The following LAMB1 variants were observed in gnomAD, a reference collection of about 807,000 sequenced individuals.
The protein encoded by LAMB1 is laminin subunit beta 1, also known as laminin subunit beta-1.
Under a neutral mutation model 222.3 loss-of-function variants are expected in LAMB1, and 121 were observed. That is an observed-to-expected ratio of 0.54 (90% CI 0.47 to 0.63). The LOEUF is 0.63. Ranked by LOEUF, LAMB1 falls within the 30% of genes least tolerant of loss-of-function variation. The pLI is 0.00. For missense variants in LAMB1, 2,172 were observed against 2,240.8 expected (o/e 0.97, Z 0.62); for synonymous variants, 794 against 807.2 (o/e 0.98, Z 0.28).
chr7:107,951,967 C>T (rs1384308731), intron 23 of LAMB1, 42 bp downstream of exon 23: 1 of 1,539,990 alleles, frequency 6.5e-7, no homozygotes, highest in South Asian at 1.2e-5. Flanking sequence ...TGGGCTGACA[C>T]CTGAGCTCAT....
Position 107,931,480 on chromosome 7 carries a change from C to T in LAMB1, c.4413G>A (p.Arg1471=), listed in dbSNP as rs1294061309. The T allele has an allele frequency of 6.2e-7, 1 of 1,613,462 alleles. No individual in the cohort carries two copies. ...CAGCACTTTGTTTTGCCTCATCTGC[C>T]CTCAGTTTTGCTTCAGAGACCTAAA... ...LSKMVSEAKL[R]ADEAKQSAED... Residue 1471 remains arginine, a synonymous_variant, in exon 29 of 34, where the codon AGG becomes AGA. Transcript: ENST00000222399.
Position 107,959,384 on chromosome 7 carries a change from T to C in LAMB1, c.2555A>G (p.Asp852Gly). Reference protein sequence around the residue: ...CFQGVYARQCDRCLPGHWGFP... With the variant: ...CFQGVYARQCGRCLPGHWGFP... ...GCCCCAGTGCCCAGGTAAGCACCGA[T>C]CACACTGCCGAGCATACACTCCCTG... is the stretch of plus-strand genomic sequence containing the variant. Residue 852 changes from aspartate (D) to glycine (G), a missense_variant, in exon 20 of 34, where the codon GAT (aspartate) becomes GGT (glycine). Physicochemically the swap from Asp to Gly is moderately conservative, Grantham distance 94. Transcript: ENST00000222399. 1 of 1,614,218 alleles carries C rather than the reference T, an allele frequency of 6.2e-7. No individual in the cohort carries two copies.
chr7:107,952,308 GTTCCCACTTCACATC>G (rs1471454380), intron 22 of LAMB1, 85 bp from the exon 23 acceptor site: 1 of 987,882 alleles, frequency 1.0e-6, no homozygotes, highest in Non-Finnish European at 1.5e-6. Flanking sequence ...ATGCTAAGAT[GTTCCCACTTCACATC>G]TTGACCTTGA....
intron 24 of LAMB1, chr7:107,940,589 T>C (rs546620018): frequency 1.4e-4 from 78 of 554,112 alleles, no homozygotes; most frequent in African/African-American, 6.7e-4. Context: ...AAATGTTTTA[T>C]ATGAATGATC....
In LAMB1 at chr7:107,923,819, T is replaced by C; in HGVS notation, c.*132A>G. The C allele has an allele frequency of 2.4e-6, 2 of 838,068 alleles. No homozygotes were observed. The highest frequency in any genetic ancestry group is 1.8e-5 in the South Asian group (1 of 54,246). The allele number at this position is 838,068 out of a possible 1,614,324, so 51.9% of individuals were successfully genotyped here. On this transcript the variant is annotated 3_prime_UTR_variant, in exon 34 of 34. Transcript: ENST00000222399. The stretch of plus-strand genomic sequence containing the variant: ...CAAAATATATACAAAAGCACTGTAC[T>C]TTATTTAACTCCATACAAAATGTGA...
chr7:107,992,977 A>T (rs571816350), intron 5 of LAMB1, among the ~76,000 whole-genome samples: 1 of 152,232 alleles, frequency 6.6e-6, no homozygotes, highest in Admixed American at 6.5e-5. Flanking sequence ...TCCTCTTCCC[A>T]TTTACCAATG....
intron 24 of LAMB1, among the ~76,000 whole-genome samples, chr7:107,950,047 T>C (rs2033207375): frequency 6.6e-6 from 1 of 152,150 alleles, no homozygotes; most frequent in African/African-American, 2.4e-5. Flanking sequence ...CTGACCAATA[T>C]GGTGAAACCC....
intron 13 of LAMB1, among the ~76,000 whole-genome samples, chr7:107,966,527 C>T (rs544396193): frequency 7.9e-5 from 12 of 152,264 alleles, no homozygotes; most frequent in African/African-American, 2.2e-4. Context: ...GAATTCTTAA[C>T]GTCCCATAGC....
intron 11 of LAMB1, 34 bp from the exon 12 acceptor site, chr7:107,975,132 G>T: frequency 6.6e-7 from 1 of 1,525,466 alleles, no homozygotes. Context: ...GAGAAACACA[G>T]ACCACGTGAG....
At chr7:107,994,449 G>A (rs947865694) in intron 5 of LAMB1, among the ~76,000 whole-genome samples, 2 of 152,148 alleles carry the variant, frequency 1.3e-5, no homozygotes, top group Non-Finnish European at 2.9e-5. Flanking sequence ...TCATTCTGGA[G>A]TTCAACAGAT....
At chr7:107,980,210 GAA>G (rs772170683) in intron 8 of LAMB1, among the ~76,000 whole-genome samples, 6 of 130,974 alleles carry the variant, frequency 4.6e-5, no homozygotes, top group African/African-American at 1.7e-4. Context: ...TCTGTCTCAA[GAA>G]AAAAAAAAAA....
chr7:107,925,363 C>T (rs1171907915), intron 32 of LAMB1, among the ~76,000 whole-genome samples: 1 of 152,078 alleles, frequency 6.6e-6, no homozygotes, highest in Non-Finnish European at 1.5e-5. Context: ...CATAGGAGCA[C>T]GAATCCTATT....
chr7:107,963,036 T>C lies in LAMB1; in HGVS notation c.1726A>G (p.Ile576Val), dbSNP rs2033546195. ...GTCCAGGAGGGAATCCGGTCCTGGA[T>C]ATATTGCCGCTCCACTATGCTAACC... ...PGVSIVERQY[I>V]QDRIPSWTGA... Residue 576 changes from isoleucine (I) to valine (V), a missense_variant, in exon 15 of 34, where the codon ATC becomes GTC. Coordinates refer to ENST00000222399, the MANE Select transcript of LAMB1 (RefSeq NM_002291.3). 1 of 1,613,762 alleles carries C rather than the reference T, an allele frequency of 6.2e-7. No individual in the cohort carries two copies. Among genetic ancestry groups the C allele is most frequent in the Non-Finnish European group, 8.5e-7 (1 of 1,179,792 alleles).
chr7:108,001,366 T>A (rs556225106), intron 3 of LAMB1, among the ~76,000 whole-genome samples, 192 bp downstream of exon 3: 1 of 152,110 alleles, frequency 6.6e-6, no homozygotes, highest in Non-Finnish European at 1.5e-5. Flanking sequence ...CGGCAGGAAA[T>A]GTGTGGCGGA....
intron 24 of LAMB1, among the ~76,000 whole-genome samples, chr7:107,944,082 C>G (rs557891866): frequency 1.3e-5 from 2 of 152,326 alleles, no homozygotes; most frequent in South Asian, 4.1e-4. Context: ...GTTGCATATG[C>G]TTATAGTTTG....
rs1168989813 is a variant in LAMB1, at chr7:107,939,079, C to A, written c.3761+910G>T. Among the ~76,000 whole-genome samples, 3 of 152,242 alleles carry A rather than the reference C, an allele frequency of 2.0e-5. No individual in the cohort carries two copies. The East Asian group carries it at 5.8e-4, about 29-fold the overall frequency. On this transcript the variant is annotated intron_variant, in intron 25 of 33. Transcript: ENST00000222399. ...GTGCAGGATTTAACTGTGAAGCAGT[C>A]CCCTCAGGCCTAGATGGTGAGTCTG...
rs1398272053 is a variant in LAMB1 at position 107,959,853 on chromosome 7, C to G, written c.2315-19G>C. 1 of 1,608,514 alleles carries G rather than the reference C, an allele frequency of 6.2e-7. No homozygotes were observed. The highest frequency in any genetic ancestry group is 8.5e-7 in the Non-Finnish European group (1 of 1,176,646). ...TCACAAGCTGTGGGTAAAGAGAGGCCAGAACCCATGACACGGAGCAGCACA... is the reference window on the plus strand; with the variant it reads ...TCACAAGCTGTGGGTAAAGAGAGGCGAGAACCCATGACACGGAGCAGCACA... On this transcript the variant is annotated intron_variant, in intron 18 of 33. Coordinates refer to ENST00000222399, the MANE Select transcript of LAMB1 (RefSeq NM_002291.3).
chr7:107,968,462 G>A (rs2033677602), intron 13 of LAMB1, among the ~76,000 whole-genome samples: 1 of 152,162 alleles, frequency 6.6e-6, no homozygotes, highest in Admixed American at 6.5e-5. Context: ...ATGGCAAAAG[G>A]AACTTTGCAG....
chr7:107,932,265 A>G lies in LAMB1; in HGVS notation c.4301T>C (p.Val1434Ala), dbSNP rs777104738. 1.2e-6 allele frequency: 2 copies of G among 1,614,186 alleles called. No homozygotes were observed. The highest frequency in any genetic ancestry group is 3.3e-5 in the Admixed American group (2 of 60,030). ...CTGCCAGGCGTTGTGTGCAACAGTA[A>G]CCAGACCACCACAGCCAGGCCCCCC... is the stretch of plus-strand genomic sequence containing the variant. ...KCGGPGCGGL[V>A]TVAHNAWQKA... Residue 1434 changes from valine (V) to alanine (A), a missense_variant, in exon 28 of 34, where the codon GTT becomes GCT. By Grantham distance (64) the Val-to-Ala change is moderately conservative. Transcript: ENST00000222399.
Sources: gnomAD v4.1 joint callset for allele counts (sites outside exome capture counted in the v4.1 genomes callset) on GRCh38, gnomAD v4.1.1 for gene constraint, MANE v1.5 for transcripts, NCBI Gene and HGNC (gene_info 2026-07-23, HGNC 2026-07-21) for gene names.